ABCA12: variants seen among roughly 807,000 people sequenced by gnomAD.
The protein encoded by ABCA12 is ATP binding cassette subfamily A member 12, also known as glucosylceramide transporter ABCA12.
A neutral mutation model predicts 293.5 loss-of-function variants in ABCA12; 156 were observed. That is an observed-to-expected ratio of 0.53 (90% CI 0.47 to 0.61). The LOEUF is 0.61. Among genes scored for constraint, ABCA12 ranks in the 20% least tolerant of loss-of-function variants. The probability of loss-of-function intolerance (pLI) is 0.00; values close to 1 mark genes in which losing one functional copy is unlikely to be tolerated. For synonymous variants in ABCA12, 1,063 were observed against 1,108.0 expected (o/e 0.96, Z 0.81); for missense variants, 2,797 against 3,090.2 (o/e 0.91, Z 2.25).
In ABCA12 at chr2:215,026,853, T is replaced by G. The variant is rs1407524828; in HGVS notation, c.1147A>C (p.Asn383His). 1 of 1,613,270 alleles carries G rather than the reference T, an allele frequency of 6.2e-7. No homozygotes were observed. The highest frequency in any genetic ancestry group is 1.3e-5 in the African/African-American group (1 of 74,918). The change falls in exon 10 of 53, where the codon AAT (asparagine) becomes CAT (histidine). Residue 383 changes from asparagine to histidine, a missense_variant. This residue lies in a region of ABCA12 where 656 missense variants were observed against 638.2 expected (regional missense o/e 1.03). Coordinates refer to ENST00000272895, the MANE Select transcript of ABCA12 (RefSeq NM_173076.3). The stretch of plus-strand genomic sequence containing the variant: ...CCTCTGGCCAAACTGTCAGTCACAT[T>G]TCTCACACATGCCAAGTAAGGAATA... ...PYIPYLACVR[N>H]VTDSLARGSP...
intron 8 of ABCA12, among the ~76,000 whole-genome samples, chr2:215,035,206 AC>A (rs1467190914): frequency 6.6e-6 from 1 of 152,224 alleles, no homozygotes; most frequent in African/African-American, 2.4e-5. Flanking sequence ...GAAGTTAGTA[AC>A]TTTTAGGAAT....
chr2:214,964,014 T>G (rs942571969), intron 39 of ABCA12, among the ~76,000 whole-genome samples: 10 of 151,900 alleles, frequency 6.6e-5, no homozygotes, highest in African/African-American at 2.4e-4. Flanking sequence ...AACTCCAGTT[T>G]GCACATCAAA....
chr2:214,987,878 T>C, intron 26 of ABCA12, 85 bp from the exon 27 acceptor site: 1 of 1,518,268 alleles, frequency 6.6e-7, no homozygotes, highest in Admixed American at 1.9e-5. Context: ...ATCCTATGTA[T>C]GGTTTAGGAA....
Position 215,117,280 on chromosome 2 carries a change from T to C in ABCA12, c.70-5590A>G, listed in dbSNP as rs149442936. On this transcript the variant is annotated intron_variant, in intron 1 of 52. Transcript: ENST00000272895. ...AAAAGAGATAAAGACAAGCTTCACA[T>C]CAAGAAATTCTATCCTGTTGCATGC... 1.3e-3 allele frequency among the ~76,000 whole-genome samples: 199 copies of C among 152,308 alleles called. 1 individual carries two copies. Among genetic ancestry groups the C allele is most frequent in the African/African-American group, 4.7e-3 (195 of 41,574 alleles).
At chr2:215,094,044 C>T (rs570010498) in intron 2 of ABCA12, among the ~76,000 whole-genome samples, 4 of 152,172 alleles carry the variant, frequency 2.6e-5, no homozygotes, top group African/African-American at 9.7e-5. Context: ...ACTCTACCCG[C>T]CTCCACTACC....
At position 214,987,631 on chromosome 2, in the gene ABCA12, G is replaced by C; in HGVS notation, c.3976+16C>G. On this transcript the variant is annotated intron_variant, in intron 27 of 52. Coordinates refer to ENST00000272895, the MANE Select transcript of ABCA12 (RefSeq NM_173076.3). ...TTCTCTCATAACAAAGCACGCTGTT[G>C]ACCGACTTGTCTTACTGGCAGATGG... is the stretch of plus-strand genomic sequence containing the variant. 6.2e-7 allele frequency: 1 copy of C among 1,607,574 alleles called. No homozygotes were observed. Among genetic ancestry groups the C allele is most frequent in the Non-Finnish European group, 8.5e-7 (1 of 1,174,978 alleles).
chr2:215,031,806 T>C lies in ABCA12; in HGVS notation c.1061+15A>G. The C allele has an allele frequency of 6.2e-7, 1 of 1,613,818 alleles. No individual in the cohort carries two copies. The highest frequency in any genetic ancestry group is 8.5e-7 in the Non-Finnish European group (1 of 1,179,902). On this transcript the variant is annotated intron_variant, in intron 9 of 52. Transcript: ENST00000272895. The stretch of plus-strand genomic sequence containing the variant: ...GCCAAGTTATCTACCTATTTAGAAA[T>C]AAACAAAGACTTACTGTGCAGCCAG...
chr2:214,978,222 A>C lies in ABCA12; in HGVS notation c.5128+94T>G, dbSNP rs1261991003. On this transcript the variant is annotated intron_variant, in intron 33 of 52. Transcript: ENST00000272895. ...TTTTTTGAATTTAGAATGAAACTTT[A>C]GAGTTGAATTTTTAAAAATCAAAGT... 5 of 1,429,248 alleles carry C rather than the reference A, an allele frequency of 3.5e-6. No individual in the cohort carries two copies. In the African/African-American group the frequency reaches 7.1e-5, roughly 20 times the overall value. The allele number at this position is 1,429,248 out of a possible 1,614,324, so 88.5% of individuals were successfully genotyped here. A position where few individuals can be genotyped will look rare whatever the true frequency, so the allele number is the denominator to read the frequency against.
intron 36 of ABCA12, among the ~76,000 whole-genome samples, chr2:214,972,330 T>C (rs1259039209): frequency 2.0e-5 from 3 of 152,174 alleles, no homozygotes; most frequent in African/African-American, 7.2e-5. Flanking sequence ...TATTAAATAG[T>C]TGGAAATAGA....
At chr2:215,045,562 A>G (rs6724716) in intron 7 of ABCA12, among the ~76,000 whole-genome samples, 21,941 of 152,116 alleles carry the variant, frequency 0.14, 4,777 homozygotes, top group African/African-American at 0.47. Flanking sequence ...CCTGCTGTAC[A>G]CCTCATTCTT....
intron 15 of ABCA12, 60 bp downstream of exon 15, chr2:215,015,430 A>G: frequency 2.8e-6 from 4 of 1,453,766 alleles, no homozygotes; most frequent in South Asian, 1.2e-5. Flanking sequence ...ACATAAATGT[A>G]TAATTAAATA....
intron 3 of ABCA12, among the ~76,000 whole-genome samples, chr2:215,056,088 A>G (rs1253304926): frequency 2.0e-5 from 3 of 152,100 alleles, no homozygotes; most frequent in African/African-American, 7.2e-5. Context: ...GACTAGGGAC[A>G]GCAACAAAAA....
At chr2:215,039,517 A>C (rs1701054603) in intron 7 of ABCA12, among the ~76,000 whole-genome samples, 1 of 152,184 alleles carries the variant, frequency 6.6e-6, no homozygotes, top group Non-Finnish European at 1.5e-5. Context: ...GCACTTTGGG[A>C]GGCCAAGGCG....
intron 23 of ABCA12, among the ~76,000 whole-genome samples, chr2:214,994,317 C>G (rs530300512): frequency 9.9e-5 from 15 of 152,100 alleles, no homozygotes; most frequent in Admixed American, 9.8e-4. Flanking sequence ...TTTTATCAAG[C>G]CTCCCAAACC....
chr2:215,059,253 T>A (rs1371330226), intron 3 of ABCA12, among the ~76,000 whole-genome samples: 1 of 152,106 alleles, frequency 6.6e-6, no homozygotes, highest in East Asian at 1.9e-4. Context: ...CATTTGTCAT[T>A]AACTTTTAAC....
At chr2:214,978,744 C>A in intron 32 of ABCA12, 60 bp downstream of exon 32, 3 of 1,557,292 alleles carry the variant, frequency 1.9e-6, no homozygotes, top group Non-Finnish European at 1.8e-6. Flanking sequence ...GCACATATTT[C>A]TTCAAAGGGA....
intron 11 of ABCA12, chr2:215,022,259 C>T (rs1035919746): frequency 2.0e-5 from 3 of 152,066 alleles, no homozygotes; most frequent in South Asian, 2.1e-4. Context: ...AGCAAAGTTC[C>T]ATATAGTATA....
chr2:215,026,784 C>T (rs760526064), intron 10 of ABCA12, 36 bp downstream of exon 10: 2 of 1,507,816 alleles, frequency 1.3e-6, no homozygotes, highest in African/African-American at 2.8e-5. Context: ...AGGTAGAAAC[C>T]ATGAGCAGCA....
At chr2:214,986,236 C>CTA (rs983858150) in intron 28 of ABCA12, among the ~76,000 whole-genome samples, 13 of 152,164 alleles carry the variant, frequency 8.5e-5, no homozygotes, top group African/African-American at 3.1e-4. Context: ...GAGCCCCAAT[C>CTA]AATAGTCTCT....
Sources: allele counts gnomAD v4.1 joint callset (sites outside exome capture counted in the v4.1 genomes callset), GRCh38; gene constraint gnomAD v4.1.1; regional missense constraint gnomAD v4.1.1; transcripts MANE v1.5; gene names NCBI Gene and HGNC (gene_info 2026-07-23, HGNC 2026-07-21).